The following CARD8 variants were observed in gnomAD, a reference collection of about 807,000 sequenced individuals.
CARD8 encodes caspase recruitment domain-containing protein 8.
In CARD8, 38 loss-of-function variants were observed where a neutral mutation model predicts 53.2. The ratio of observed to expected loss-of-function variants is 0.71; its 90% CI spans 0.55 to 0.94. The LOEUF (loss-of-function observed/expected upper bound fraction) is 0.94, where lower values mean the gene tolerates loss of function less well. Among genes scored for constraint, CARD8 ranks in the 40% least tolerant of loss-of-function variants. The pLI, the probability that CARD8 is intolerant of heterozygous loss-of-function variation, is 0.00. For missense variants in CARD8, 561 were observed against 655.5 expected (o/e 0.86, Z 1.57); for synonymous variants, 245 against 244.9 (o/e 1.00, Z 0.00).
downstream of CARD8, among the ~76,000 whole-genome samples, chr19:48,204,457 A>T (rs2015211): frequency 0.36 from 55,130 of 151,758 alleles, 10,161 homozygotes; most frequent in East Asian, 0.52. Context: ...GAAATCGACA[A>T]GTTACTAGAT....
In CARD8 at chr19:48,231,665, T is replaced by C. The variant is rs1385704419; in HGVS notation, c.537A>G (p.Arg179=). ...TCAGCATCTTCCATTCTTACCTGTATCTGTTTGTGCTCTTATCAATCAACT... is the reference window on the plus strand; with the variant it reads ...TCAGCATCTTCCATTCTTACCTGTACCTGTTTGTGCTCTTATCAATCAACT... ...DVELIDKSTN[R]YSVWFPTAGW... is the part of the protein sequence containing the mutation. The change falls in exon 8 of 14, where the codon AGA becomes AGG. Residue 179 remains arginine (R), a synonymous_variant. Transcript: ENST00000651546. 1 of 1,596,884 alleles carries C rather than the reference T, an allele frequency of 6.3e-7. No individual in the cohort carries two copies. Among genetic ancestry groups the C allele is most frequent in the East Asian group, 2.2e-5 (1 of 44,716 alleles).
At position 48,211,914 on chromosome 19, in the gene CARD8, C is replaced by G. The variant is rs780293112; in HGVS notation, c.1410G>C (p.Gly470=). 25 of 1,613,978 alleles carry G rather than the reference C, an allele frequency of 1.5e-5. No individual in the cohort carries two copies. Among genetic ancestry groups the G allele is most frequent in the Non-Finnish European group, 1.9e-5 (23 of 1,179,986 alleles). The change falls in exon 14 of 14, where the codon GGG becomes GGC. Residue 470 remains glycine (G), a synonymous_variant. Transcript: ENST00000651546. Reference sequence around the variant, plus strand: ...CATTGTCTTGGAGATCATCGAGCACCCCTTTCAGGTCCCCCATCCTGGCTT... The same window carrying G: ...CATTGTCTTGGAGATCATCGAGCACGCCTTTCAGGTCCCCCATCCTGGCTT... The part of the protein sequence containing the change: ...QLQARMGDLK[G]VLDDLQDNEV...
intron 12 of CARD8, among the ~76,000 whole-genome samples, chr19:48,216,833 A>T (rs148921632): frequency 6.4e-4 from 97 of 152,324 alleles, no homozygotes; most frequent in African/African-American, 2.3e-3. Flanking sequence ...TGGTCTCAGG[A>T]TGATTCAAGT....
chr19:48,243,163 C>G (rs1600643866), intron 3 of CARD8, among the ~76,000 whole-genome samples: 1 of 152,142 alleles, frequency 6.6e-6, no homozygotes, highest in Non-Finnish European at 1.5e-5. Context: ...CATGCGTGAG[C>G]CATGACGCCT....
intron 6 of CARD8, chr19:48,233,327 G>C (rs1330272659): frequency 2.2e-6 from 1 of 456,110 alleles, no homozygotes; most frequent in Non-Finnish European, 4.4e-6. Flanking sequence ...TCCATTCCTT[G>C]AGATATCTGT....
At chr19:48,232,966 G>C (rs17665482) in intron 6 of CARD8, 102,739 of 363,886 alleles carry the variant, frequency 0.28, 15,060 homozygotes, top group Admixed American at 0.37. Flanking sequence ...TGATTGCTCC[G>C]ATTGGTATCA....
intron 13 of CARD8, among the ~76,000 whole-genome samples, chr19:48,213,373 C>T (rs894712096): frequency 4.0e-5 from 6 of 151,686 alleles, no homozygotes; most frequent in African/African-American, 9.7e-5. Context: ...TATTTATTTA[C>T]TTATTTATTT....
intron 1 of CARD8, among the ~76,000 whole-genome samples, chr19:48,250,337 C>G (rs907395020): frequency 6.6e-6 from 1 of 152,210 alleles, no homozygotes; most frequent in African/African-American, 2.4e-5. Flanking sequence ...GTTGGACAGG[C>G]AGTTGCTGGG....
At chr19:48,217,296 C>A (rs1600135294) in intron 12 of CARD8, among the ~76,000 whole-genome samples, 1 of 152,192 alleles carries the variant, frequency 6.6e-6, no homozygotes, top group East Asian at 1.9e-4. Flanking sequence ...AACACTGTGA[C>A]AATATTGCCC....
At chr19:48,233,654 G>A (rs1476927816) in intron 6 of CARD8, 2 of 292,274 alleles carry the variant, frequency 6.8e-6, no homozygotes, top group Non-Finnish European at 1.4e-5. Context: ...GAAAGTGGGA[G>A]GAACCCAGCG....
chr19:48,232,356 C>G (rs747558093), intron 7 of CARD8, 97 bp downstream of exon 7: 4 of 1,172,762 alleles, frequency 3.4e-6, no homozygotes, highest in African/African-American at 3.0e-5. Context: ...CACTCCTGAT[C>G]TGCACAAAAG....
rs531199248 is a variant in CARD8 at position 48,214,769 on chromosome 19, CTTTTTTTTTTTTTTTT to C, written c.1348+555_1348+570del. ...CCTTCCTTTCATTCCTGCTATAAAG[CTTTTTTTTTTTTTTTT>C]TTTTTTTTTTTTTTTTTTGTAGACC... On this transcript the variant is annotated intron_variant, in intron 13 of 13. Coordinates refer to ENST00000651546, the MANE Select transcript of CARD8 (RefSeq NM_001184900.3). 1.7e-4 allele frequency among the ~76,000 whole-genome samples: 15 copies of C among 89,568 alleles called. No homozygotes were observed. In the South Asian group the frequency reaches 2.4e-3, roughly 15 times the overall value. 58.8% of individuals were successfully genotyped at this position (89,568 alleles called of 152,430 possible).
At chr19:48,207,533 T>G (rs2037404034), downstream of CARD8, among the ~76,000 whole-genome samples, 1 of 152,058 alleles carries the variant, frequency 6.6e-6, no homozygotes, top group Non-Finnish European at 1.5e-5. Flanking sequence ...ACGTATGAAA[T>G]TCTACTTTTG....
intron 10 of CARD8, among the ~76,000 whole-genome samples, chr19:48,224,043 C>G (rs531781853): frequency 1.3e-4 from 20 of 152,108 alleles, no homozygotes; most frequent in Non-Finnish European, 2.5e-4. Context: ...CTCACTGCAA[C>G]CTCTGCCTCC....
chr19:48,237,398 C>T (rs187399244), intron 5 of CARD8, among the ~76,000 whole-genome samples: 179 of 152,120 alleles, frequency 1.2e-3, no homozygotes, highest in Admixed American at 3.5e-3. Flanking sequence ...GGATATGCCC[C>T]CTTGATCCAT....
intron 11 of CARD8, 46 bp from the exon 12 acceptor site, chr19:48,219,058 G>A (rs765015190): frequency 6.9e-6 from 11 of 1,599,558 alleles, no homozygotes; most frequent in Non-Finnish European, 9.4e-6. Context: ...AGGGTGGAAA[G>A]GCCCGGCTCC....
downstream of CARD8, chr19:48,204,302 G>C (rs1038639553): frequency 7.2e-6 from 3 of 417,830 alleles, no homozygotes; most frequent in Admixed American, 2.5e-5. Flanking sequence ...CTAACAGCCT[G>C]GGAACTGGAG....
chr19:48,219,697 G>A (rs966470675), intron 11 of CARD8, among the ~76,000 whole-genome samples: 7 of 152,060 alleles, frequency 4.6e-5, no homozygotes, highest in African/African-American at 7.2e-5. Flanking sequence ...TAGGGCGGGC[G>A]CGGTGACTCA....
chr19:48,204,241 A>ACC (rs761288958), downstream of CARD8: 1 of 453,774 alleles, frequency 2.2e-6, no homozygotes, highest in South Asian at 1.6e-5. Flanking sequence ...TGCCACAGTA[A>ACC]CCCTGGAGTG....
Sources: gnomAD v4.1 joint callset for allele counts (sites outside exome capture counted in the v4.1 genomes callset) on GRCh38, gnomAD v4.1.1 for gene constraint, MANE v1.5 for transcripts, NCBI Gene and HGNC (gene_info 2026-07-23, HGNC 2026-07-21) for gene names.